The following CDC14A variants were observed in gnomAD, a reference collection of about 807,000 sequenced individuals.
CDC14A encodes cell division cycle 14A.
A neutral mutation model predicts 74.4 loss-of-function variants in CDC14A; 53 were observed. The observed-to-expected ratio is 0.71, with a 90% CI of 0.57 to 0.89. The LOEUF (loss-of-function observed/expected upper bound fraction) is 0.89. Ranked by LOEUF, CDC14A falls within the 40% of genes least tolerant of loss-of-function variation. The pLI is 0.00. For missense variants in CDC14A, 646 were observed against 713.7 expected (o/e 0.91, Z 1.08); for synonymous variants, 247 against 258.4 (o/e 0.96, Z 0.43).
At chr1:100,385,578 C>T (rs1432565743) in intron 3 of CDC14A, among the ~76,000 whole-genome samples, 1 of 152,152 alleles carries the variant, frequency 6.6e-6, no homozygotes, top group African/African-American at 2.4e-5. Context: ...TTAAGATTTA[C>T]ACAAATTATC....
At chr1:100,487,862 C>T (rs1481808428) in intron 11 of CDC14A, among the ~76,000 whole-genome samples, 2 of 152,172 alleles carry the variant, frequency 1.3e-5, no homozygotes, top group Admixed American at 1.3e-4. Flanking sequence ...ATACTTTTCC[C>T]CCACAGTCCT....
chr1:100,464,614 T>A (rs930290127), intron 9 of CDC14A, among the ~76,000 whole-genome samples: 5 of 152,252 alleles, frequency 3.3e-5, no homozygotes, highest in African/African-American at 1.2e-4. Context: ...TTGTATTTTT[T>A]CCTGAGATTA....
intron 3 of CDC14A, among the ~76,000 whole-genome samples, chr1:100,383,202 T>C (rs1656391881): frequency 6.6e-6 from 1 of 152,184 alleles, no homozygotes; most frequent in Non-Finnish European, 1.5e-5. Context: ...TTAGGAATCC[T>C]CAGGCAGGAA....
chr1:100,413,398 G>C (rs758128278), intron 4 of CDC14A, among the ~76,000 whole-genome samples: 8 of 152,060 alleles, frequency 5.3e-5, no homozygotes, highest in Non-Finnish European at 1.2e-4. Flanking sequence ...TAGAAGTTTG[G>C]ATAACATCTC....
At chr1:100,374,074 G>A (rs1032246439) in intron 2 of CDC14A, among the ~76,000 whole-genome samples, 3 of 151,948 alleles carry the variant, frequency 2.0e-5, no homozygotes, top group African/African-American at 7.3e-5. Context: ...TTGTTCTTGC[G>A]ATAGTTTACT....
At chr1:100,352,428 G>A (rs915257788), upstream of CDC14A, 37 of 983,888 alleles carry the variant, frequency 3.8e-5, no homozygotes, top group African/African-American at 6.3e-4. Context: ...GGGCGGGGAG[G>A]AAGGTCTGGG....
chr1:100,498,522 A>G (rs767244897), intron 14 of CDC14A, among the ~76,000 whole-genome samples: 1 of 152,242 alleles, frequency 6.6e-6, no homozygotes, highest in Non-Finnish European at 1.5e-5. Flanking sequence ...GCAAGGGAGA[A>G]CTAACCAAAA....
At chr1:100,459,241 C>G (rs546938657) in intron 8 of CDC14A, among the ~76,000 whole-genome samples, 3 of 152,248 alleles carry the variant, frequency 2.0e-5, no homozygotes, top group African/African-American at 7.2e-5. Context: ...AGAGCCTGGG[C>G]AGGTTGAAGC....
intron 11 of CDC14A, among the ~76,000 whole-genome samples, chr1:100,486,935 A>G (rs1476790199): frequency 6.6e-6 from 1 of 152,186 alleles, no homozygotes; most frequent in Non-Finnish European, 1.5e-5. Context: ...TCACATGAAT[A>G]TGGAAAATTC....
At chr1:100,379,900 G>A (rs1457630515) in intron 3 of CDC14A, among the ~76,000 whole-genome samples, 1 of 152,006 alleles carries the variant, frequency 6.6e-6, no homozygotes, top group African/African-American at 2.4e-5. Context: ...AATCTTGGGG[G>A]AACTAAGAGT....
intron 15 of CDC14A, among the ~76,000 whole-genome samples, chr1:100,507,778 C>T (rs940551530): frequency 2.0e-5 from 3 of 152,144 alleles, no homozygotes; most frequent in Non-Finnish European, 2.9e-5. Flanking sequence ...CTCCCAGGTT[C>T]AAGTGAATCT....
At chr1:100,405,539 T>G (rs1196906026) in intron 4 of CDC14A, among the ~76,000 whole-genome samples, 2 of 152,166 alleles carry the variant, frequency 1.3e-5, no homozygotes, top group African/African-American at 2.4e-5. Flanking sequence ...ATGCTCTTCC[T>G]CCTCTGAGGC....
At chr1:100,410,659 T>C (rs894541926) in intron 4 of CDC14A, among the ~76,000 whole-genome samples, 1 of 152,218 alleles carries the variant, frequency 6.6e-6, no homozygotes, top group Non-Finnish European at 1.5e-5. Context: ...ATTTGGAATA[T>C]CCTGGCATTG....
intron 15 of CDC14A, among the ~76,000 whole-genome samples, chr1:100,507,427 G>A (rs562591175): frequency 6.6e-6 from 1 of 151,622 alleles, no homozygotes; most frequent in South Asian, 2.1e-4. Context: ...TCAATCTTAG[G>A]GCTGCTTTTT....
intron 5 of CDC14A, among the ~76,000 whole-genome samples, chr1:100,431,095 T>C (rs1366718932): frequency 6.6e-6 from 1 of 152,170 alleles, no homozygotes; most frequent in Admixed American, 6.5e-5. Context: ...TGTACCCCCA[T>C]GAAAAAAGAC....
chr1:100,415,580 G>A (rs1661434210), intron 4 of CDC14A, among the ~76,000 whole-genome samples: 1 of 152,084 alleles, frequency 6.6e-6, no homozygotes, highest in African/African-American at 2.4e-5. Flanking sequence ...GATTTATAAT[G>A]GACTCAAAAC....
At chr1:100,355,654 A>G (rs1269968476) in intron 2 of CDC14A, among the ~76,000 whole-genome samples, 1 of 152,128 alleles carries the variant, frequency 6.6e-6, no homozygotes, top group Non-Finnish European at 1.5e-5. Context: ...CAGAGTGTGT[A>G]CTTTTCTTAG....
chr1:100,437,264 C>G (rs1372858507), intron 5 of CDC14A, among the ~76,000 whole-genome samples: 1 of 152,148 alleles, frequency 6.6e-6, no homozygotes, highest in Non-Finnish European at 1.5e-5. Flanking sequence ...CTCTCTTTCT[C>G]CCCCAGAGAA....
chr1:100,482,890 G>A (rs1669633903), intron 10 of CDC14A, among the ~76,000 whole-genome samples: 1 of 151,886 alleles, frequency 6.6e-6, no homozygotes, highest in Non-Finnish European at 1.5e-5. Flanking sequence ...AGGCTTGGGA[G>A]GCTCCATCCG....
Sources: allele counts gnomAD v4.1 joint callset (sites outside exome capture counted in the v4.1 genomes callset), GRCh38; gene constraint gnomAD v4.1.1; transcripts MANE v1.5; gene names NCBI Gene and HGNC (gene_info 2026-07-23, HGNC 2026-07-21).